The following ZNF160 variants were observed in gnomAD, a reference collection of about 807,000 sequenced individuals.
ZNF160 encodes the protein zinc finger protein 160.
Under a neutral mutation model 13.1 loss-of-function variants are expected in ZNF160, and 9 were observed. The observed-to-expected ratio is 0.69, with a 90% CI of 0.41 to 1.20. The LOEUF (loss-of-function observed/expected upper bound fraction) is 1.20, where lower values mean the gene tolerates loss of function less well. ZNF160 is among the 50% of genes most tolerant of loss of function. The pLI is 0.01. For synonymous variants in ZNF160, 293 were observed against 333.2 expected (o/e 0.88, Z 1.31); for missense variants, 838 against 988.0 (o/e 0.85, Z 2.04).
At chr19:53,103,033 A>G (rs1192822407) in intron 1 of ZNF160, among the ~76,000 whole-genome samples, 1 of 152,088 alleles carries the variant, frequency 6.6e-6, no homozygotes, top group African/African-American at 2.4e-5. Flanking sequence ...GGCCGACGAG[A>G]GCGAGGCTGG....
At chr19:53,072,647 T>C (rs1326663539) in intron 5 of ZNF160, among the ~76,000 whole-genome samples, 1 of 151,780 alleles carries the variant, frequency 6.6e-6, no homozygotes, top group African/African-American at 2.4e-5. Context: ...AAGTCGAGAG[T>C]TCGAGACCAG....
chr19:53,075,502 C>G, intron 3 of ZNF160: 1 of 356,998 alleles, frequency 2.8e-6, no homozygotes, highest in East Asian at 7.3e-5. Flanking sequence ...AAGGCTGAGG[C>G]TCGGTTAGAC....
chr19:53,099,130 G>A lies in ZNF160; in HGVS notation c.-354+4135C>T, dbSNP rs529921290. ...AACACTCAAAATAATCCATGCAGAA[G>A]AGTGTCCGATGTGGTGATGGATGCG... On this transcript the variant is annotated intron_variant, in intron 1 of 5. Transcript: ENST00000683776. Among the ~76,000 whole-genome samples, 6 of 141,362 alleles carry A rather than the reference G, an allele frequency of 4.2e-5. No homozygotes were observed. The South Asian group carries it at 1.3e-3, about 30-fold the overall frequency. The allele number at this position is 141,362 out of a possible 152,430, so 92.7% of individuals were successfully genotyped here. A position where few individuals can be genotyped will look rare whatever the true frequency, so the allele number is the denominator to read the frequency against.
At chr19:53,084,953 CTT>C (rs56958526) in intron 3 of ZNF160, 70,301 of 141,488 alleles carry the variant, frequency 0.5, 17,870 homozygotes, top group African/African-American at 0.62. Flanking sequence ...AGGGTGGCAC[CTT>C]TTTTTTTTTT....
chr19:53,086,272 G>C lies in ZNF160; in HGVS notation c.5C>G (p.Ala2Gly), dbSNP rs1486999444. 3.0e-5 allele frequency: 47 copies of C among 1,588,594 alleles called. No individual in the cohort carries two copies. Among genetic ancestry groups the C allele is most frequent in the Non-Finnish European group, 3.9e-5 (46 of 1,168,602 alleles). Reference protein sequence around the residue: MALTQVRLTFRD... With the variant: MGLTQVRLTFRD... ...GGAGTATCACTTTACCTGAGTAAGG[G>C]CCATCCCTGACTCCTTTTCTTTCCT... The change falls in exon 3 of 6, where the codon GCC (alanine) becomes GGC (glycine). Residue 2 changes from alanine to glycine, a missense_variant. Physicochemically the swap from Ala to Gly is moderately conservative, Grantham distance 60 (BLOSUM62 0). Around this residue, in one of 3 missense-constraint regions of ZNF160, gnomAD observed 387 missense variants for 402.3 expected, o/e 0.96. Transcript: ENST00000683776.
rs141355581 is a variant in ZNF160, at chr19:53,081,016, A to G, written c.15+5246T>C. 7.7e-3 allele frequency among the ~76,000 whole-genome samples: 1,172 copies of G among 152,352 alleles called. 13 individuals carry two copies. The highest frequency in any genetic ancestry group is 0.026 in the African/African-American group (1,088 of 41,594). On this transcript the variant is annotated intron_variant, in intron 3 of 5. Transcript: ENST00000683776. ...GTGGTGCTGGGAAAACTGGCTAAAC[A>G]TATGCAGAAGAATGAAACTGGATCC...
chr19:53,075,714 G>A (rs916917560), intron 3 of ZNF160: 5 of 518,612 alleles, frequency 9.6e-6, no homozygotes, highest in Non-Finnish European at 1.9e-5. Flanking sequence ...TCATCTGTGT[G>A]CTTTGTAGCA....
intron 5 of ZNF160, chr19:53,073,419 G>C (rs146926818): frequency 3.1e-6 from 5 of 1,598,306 alleles, no homozygotes; most frequent in Non-Finnish European, 4.2e-6. Context: ...GAGGGACCTC[G>C]ACAGGCGGAG....
chr19:53,082,013 C>T (rs1215159523), intron 3 of ZNF160, among the ~76,000 whole-genome samples: 1 of 152,092 alleles, frequency 6.6e-6, no homozygotes, highest in Non-Finnish European at 1.5e-5. Context: ...AATTAATGCA[C>T]AAATAGAAGA....
rs188634947 is a variant in ZNF160 at position 53,075,999 on chromosome 19, A to G, written c.16-816T>C. 930 of 271,804 alleles carry G rather than the reference A, an allele frequency of 3.4e-3. 7 individuals are homozygous for G. The highest frequency in any genetic ancestry group is 4.6e-3 in the Non-Finnish European group (619 of 133,960). The allele number at this position is 271,804 out of a possible 1,614,324, so 16.8% of individuals were successfully genotyped here. ...ACACCCATTTGGTGTCTGTTGCAGA[A>G]TTGTTTATTTGATGTGTAGAGGAAA... is the stretch of plus-strand genomic sequence containing the variant. On this transcript the variant is annotated intron_variant, in intron 3 of 5. Coordinates refer to ENST00000683776, the MANE Select transcript of ZNF160 (RefSeq NM_001322131.2).
intron 3 of ZNF160, chr19:53,084,865 A>G (rs989356927): frequency 1.3e-5 from 2 of 152,082 alleles, no homozygotes; most frequent in Admixed American, 1.3e-4. Context: ...CCATCCTAGA[A>G]GAGATCACTC....
chr19:53,100,997 G>A (rs1412898210), intron 1 of ZNF160, among the ~76,000 whole-genome samples: 1 of 148,954 alleles, frequency 6.7e-6, no homozygotes, highest in African/African-American at 2.5e-5. Flanking sequence ...AATAAATAAG[G>A]GCCAGGAGCG....
intron 1 of ZNF160, among the ~76,000 whole-genome samples, chr19:53,101,961 C>T (rs2085461403): frequency 6.6e-6 from 1 of 152,106 alleles, no homozygotes. Context: ...CTCACCTGGC[C>T]CCAGGGCGCC....
intron 5 of ZNF160, among the ~76,000 whole-genome samples, chr19:53,073,786 A>G (rs2084274658): frequency 6.6e-6 from 1 of 151,712 alleles, no homozygotes; most frequent in Admixed American, 6.6e-5. Context: ...TTCCCACTTT[A>G]TTTATTTATT....
At position 53,068,404 on chromosome 19, in the gene ZNF160, A is replaced by G. The variant is rs770561106; in HGVS notation, c.2130T>C (p.Cys710=). 67 of 1,613,684 alleles carry G rather than the reference A, an allele frequency of 4.2e-5. No homozygotes were observed. In the East Asian group the frequency reaches 1.5e-3, roughly 35 times the overall value. The change falls in exon 6 of 6, where the codon TGT becomes TGC. Residue 710 remains cysteine, a synonymous_variant. Coordinates refer to ENST00000683776, the MANE Select transcript of ZNF160 (RefSeq NM_001322131.2). ...TGEKPYRCNE[C]GKAFSVRSSL... The stretch of plus-strand genomic sequence containing the variant: ...TTGAACGAACACTGAAGGCTTTCCC[A>G]CACTCATTGCATCGGTAAGGTTTCT...
At chr19:53,079,017 T>C (rs2084518359) in intron 3 of ZNF160, among the ~76,000 whole-genome samples, 1 of 152,158 alleles carries the variant, frequency 6.6e-6, no homozygotes, top group Non-Finnish European at 1.5e-5. Flanking sequence ...TAAGATATTA[T>C]TCGTGATAAA....
chr19:53,074,624 C>G (rs2084311526), intron 4 of ZNF160, among the ~76,000 whole-genome samples: 1 of 149,784 alleles, frequency 6.7e-6, no homozygotes, highest in Non-Finnish European at 1.5e-5. Context: ...GAGCCTAGAT[C>G]ACGCCACTGC....
At chr19:53,077,200 G>A (rs1377277287) in intron 3 of ZNF160, 1 of 152,214 alleles carries the variant, frequency 6.6e-6, no homozygotes, top group East Asian at 1.9e-4. Context: ...ACTGGCACAA[G>A]CTCTTTAGTT....
chr19:53,070,382 G>C lies in ZNF160; in HGVS notation c.272-120C>G, dbSNP rs574061650. On this transcript the variant is annotated intron_variant, in intron 5 of 5. Coordinates refer to ENST00000683776, the MANE Select transcript of ZNF160 (RefSeq NM_001322131.2). ...ATATTGAACAGACTTTGGAACTTCA[G>C]AACTGTGAATTTCAATTGTTAGGAA... The C allele has an allele frequency of 5.9e-6, 6 of 1,025,474 alleles. No individual in the cohort carries two copies. The South Asian group carries it at 8.5e-5, about 14-fold the overall frequency. 63.5% of individuals were successfully genotyped at this position (1,025,474 alleles called of 1,614,324 possible). A position where few individuals can be genotyped will look rare whatever the true frequency, so the allele number is the denominator to read the frequency against.
Sources: allele counts gnomAD v4.1 joint callset (sites outside exome capture counted in the v4.1 genomes callset), GRCh38; gene constraint gnomAD v4.1.1; regional missense constraint gnomAD v4.1.1; transcripts MANE v1.5; gene names NCBI Gene and HGNC (gene_info 2026-07-23, HGNC 2026-07-21).